The following NTF3 variants were observed in gnomAD, a reference collection of about 807,000 sequenced individuals.
The protein encoded by NTF3 is neurotrophin 3, also known as neurotrophin-3.
Under a neutral mutation model 26.3 loss-of-function variants are expected in NTF3, and 8 were observed. The observed-to-expected ratio is 0.30, with a 90% CI of 0.18 to 0.55. The LOEUF (loss-of-function observed/expected upper bound fraction) is 0.55, where lower values mean the gene tolerates loss of function less well. Ranked by LOEUF, NTF3 falls within the 20% of genes least tolerant of loss-of-function variation. The probability of loss-of-function intolerance (pLI) is 0.93; values close to 1 mark genes in which losing one functional copy is unlikely to be tolerated. For missense variants in NTF3, 276 were observed against 352.9 expected (o/e 0.78, Z 1.75); for synonymous variants, 154 against 145.5 (o/e 1.06, Z -0.42).
intron 1 of NTF3, among the ~76,000 whole-genome samples, chr12:5,461,643 C>A (rs886171004): frequency 7.2e-5 from 11 of 152,082 alleles, no homozygotes; most frequent in African/African-American, 2.7e-4. Context: ...TGACTTCATT[C>A]TTCATGCTCC....
intron 1 of NTF3, among the ~76,000 whole-genome samples, chr12:5,447,865 G>A (rs1241036175): frequency 6.6e-6 from 1 of 152,190 alleles, no homozygotes; most frequent in East Asian, 1.9e-4. Context: ...AAATGTTACA[G>A]CGCTGGCTTG....
intron 1 of NTF3, among the ~76,000 whole-genome samples, chr12:5,436,513 G>A (rs1940170372): frequency 6.6e-6 from 1 of 152,034 alleles, no homozygotes; most frequent in East Asian, 1.9e-4. Flanking sequence ...TTCTCTTTTT[G>A]TAAAGGGGCA....
At chr12:5,473,401 T>C (rs1940689194) in intron 1 of NTF3, among the ~76,000 whole-genome samples, 1 of 152,224 alleles carries the variant, frequency 6.6e-6, no homozygotes, top group South Asian at 2.1e-4. Context: ...CCCAGAGCCT[T>C]GTCCGTGCTT....
intron 1 of NTF3, among the ~76,000 whole-genome samples, chr12:5,470,055 G>C (rs1212184053): frequency 6.6e-6 from 1 of 152,200 alleles, no homozygotes; most frequent in Non-Finnish European, 1.5e-5. Context: ...CTCCTGAGTA[G>C]CTGGGACTAC....
chr12:5,449,116 A>G (rs1420209460), intron 1 of NTF3, among the ~76,000 whole-genome samples: 5 of 152,168 alleles, frequency 3.3e-5, no homozygotes, highest in Non-Finnish European at 7.3e-5. Flanking sequence ...AGTTCCTAAG[A>G]CTTCTGATGG....
chr12:5,485,510 A>C (rs1017562431), intron 1 of NTF3, among the ~76,000 whole-genome samples: 2 of 152,196 alleles, frequency 1.3e-5, no homozygotes, highest in African/African-American at 4.8e-5. Context: ...GGGGATAATA[A>C]TCGTATCCAC....
chr12:5,434,888 C>G (rs1940148141), intron 1 of NTF3, among the ~76,000 whole-genome samples: 1 of 151,748 alleles, frequency 6.6e-6, no homozygotes, highest in South Asian at 2.1e-4. Context: ...TGAGGGTGCA[C>G]TGGGAAATTT....
At chr12:5,435,828 A>G (rs7980566) in intron 1 of NTF3, among the ~76,000 whole-genome samples, 129,007 of 151,984 alleles carry the variant, frequency 0.85, 55,223 homozygotes, top group East Asian at 0.97. Flanking sequence ...GGGGGTGGGT[A>G]TGCATGCAGG....
At chr12:5,458,171 A>G (rs895083259) in intron 1 of NTF3, among the ~76,000 whole-genome samples, 2 of 152,048 alleles carry the variant, frequency 1.3e-5, no homozygotes, top group Non-Finnish European at 1.5e-5. Context: ...AGAATGCACA[A>G]TGCACCTTCT....
At chr12:5,474,514 G>A (rs1429973641) in intron 1 of NTF3, among the ~76,000 whole-genome samples, 1 of 152,186 alleles carries the variant, frequency 6.6e-6, no homozygotes, top group African/African-American at 2.4e-5. Context: ...TGCACAGGGA[G>A]AGGAGGGCTG....
intron 1 of NTF3, among the ~76,000 whole-genome samples, chr12:5,444,089 A>G (rs1203262012): frequency 2.0e-5 from 3 of 152,164 alleles, no homozygotes; most frequent in Non-Finnish European, 2.9e-5. Flanking sequence ...CCATGTTTAC[A>G]TCTTCTTTTG....
chr12:5,492,995 G>A (rs1418496207), intron 1 of NTF3, among the ~76,000 whole-genome samples: 1 of 152,206 alleles, frequency 6.6e-6, no homozygotes, highest in African/African-American at 2.4e-5. Context: ...GAACTTTAAA[G>A]AGGAAATGAT....
rs1459660346 is a variant in NTF3 at position 5,494,080 on chromosome 12, G to C, written c.19-114G>C. 3 of 922,348 alleles carry C rather than the reference G, an allele frequency of 3.3e-6. No homozygotes were observed. The African/African-American group carries it at 5.0e-5, about 15-fold the overall frequency. The allele number at this position is 922,348 out of a possible 1,614,324, so 57.1% of individuals were successfully genotyped here. On this transcript the variant is annotated intron_variant, in intron 1 of 1. Coordinates refer to ENST00000423158, the MANE Select transcript of NTF3 (RefSeq NM_001102654.2). This position sits in a 1 kb window ranked among gnomAD's most constrained non-coding sequence, Gnocchi z 8.3. ...GGGGAGTTGCCTTGCTTACCTGGGG[G>C]GCGGTACCCTCTCTCGTGCCCTCAC...
intron 1 of NTF3, among the ~76,000 whole-genome samples, chr12:5,459,831 C>G (rs145790124): frequency 5.3e-5 from 8 of 152,262 alleles, no homozygotes; most frequent in South Asian, 2.1e-4. Context: ...GAGATCTGTG[C>G]TTTTGATTCA....
rs1409665665 is a variant in NTF3, at chr12:5,432,133, T to A, written c.-192T>A. 3 of 680,776 alleles carry A rather than the reference T, an allele frequency of 4.4e-6. No individual in the cohort carries two copies. In the Admixed American group the frequency reaches 6.2e-5, roughly 14 times the overall value. 42.2% of individuals were successfully genotyped at this position (680,776 alleles called of 1,614,324 possible). ...ACTCAGAGTTGAAGCTCCTCTCCCT[T>A]CCGAACAGCTCCGCGCACCGCCCCG... On this transcript the variant is annotated 5_prime_UTR_variant, in exon 1 of 2. Transcript: ENST00000423158.
chr12:5,458,067 C>A (rs866887948), intron 1 of NTF3, among the ~76,000 whole-genome samples: 1 of 152,160 alleles, frequency 6.6e-6, no homozygotes, highest in Non-Finnish European at 1.5e-5. Context: ...GCCTCTGAGT[C>A]CTTGTTTTTT....
At chr12:5,440,304 G>T (rs1012193657) in intron 1 of NTF3, among the ~76,000 whole-genome samples, 1 of 152,172 alleles carries the variant, frequency 6.6e-6, no homozygotes, top group Non-Finnish European at 1.5e-5. Context: ...CATGTGTAGG[G>T]TGATAATTTT....
Position 5,481,556 on chromosome 12 carries a change from C to T in NTF3, c.19-12638C>T, listed in dbSNP as rs573689285. ...CACATTCACAGAATACATATATGCA[C>T]ACACACACATACATACATGCACCAC... On this transcript the variant is annotated intron_variant, in intron 1 of 1. Transcript: ENST00000423158. Among the ~76,000 whole-genome samples, 3 of 139,354 alleles carry T rather than the reference C, an allele frequency of 2.2e-5. No homozygotes were observed. In the East Asian group the frequency reaches 7.1e-4, roughly 33 times the overall value. 91.4% of individuals were successfully genotyped at this position (139,354 alleles called of 152,430 possible).
intron 1 of NTF3, among the ~76,000 whole-genome samples, chr12:5,485,419 T>C (rs1376643541): frequency 1.3e-5 from 2 of 152,236 alleles, no homozygotes; most frequent in Non-Finnish European, 2.9e-5. Context: ...GTTTGTTCCC[T>C]GGCTCTGTCT....
Sources: allele counts gnomAD v4.1 joint callset (sites outside exome capture counted in the v4.1 genomes callset), GRCh38; gene constraint gnomAD v4.1.1; non-coding constraint Gnocchi (gnomAD v3.1); transcripts MANE v1.5; gene names NCBI Gene and HGNC (gene_info 2026-07-23, HGNC 2026-07-21).